The following LYRM4 variants were observed in gnomAD, a reference collection of about 807,000 sequenced individuals.
The protein encoded by LYRM4 is LYR motif-containing protein 4.
In LYRM4, 9 loss-of-function variants were observed where a neutral mutation model predicts 11.7. The observed-to-expected ratio is 0.77, with a 90% CI of 0.46 to 1.34. The LOEUF (loss-of-function observed/expected upper bound fraction) is 1.34, where lower values mean the gene tolerates loss of function less well. LYRM4 is among the 40% of genes most tolerant of loss of function. LYRM4 has a pLI of 0.00. For synonymous variants in LYRM4, 42 were observed against 40.4 expected (o/e 1.04, Z -0.15); for missense variants, 133 against 112.5 (o/e 1.18, Z -0.82).
chr6:5,172,173 C>T (rs1759467993), intron 2 of LYRM4, among the ~76,000 whole-genome samples: 1 of 152,160 alleles, frequency 6.6e-6, no homozygotes, highest in African/African-American at 2.4e-5. Context: ...TGACGACAGG[C>T]CTACCCGGAA....
the LYRM4 span, among the ~76,000 whole-genome samples, chr6:5,059,076 C>T: frequency 9.7e-3 from 1,478 of 152,248 alleles, 24 homozygotes; most frequent in African/African-American, 0.034. Context: ...CATGGTGGCT[C>T]ATGTCTGTAA....
At chr6:5,035,168 T>C in the LYRM4 span, among the ~76,000 whole-genome samples, 19 of 152,188 alleles carry the variant, frequency 1.2e-4, no homozygotes, top group African/African-American at 4.3e-4. Flanking sequence ...TATTTGCTAG[T>C]TCAGGGTTTG....
chr6:5,255,720 T>G (rs1196099314), intron 1 of LYRM4, among the ~76,000 whole-genome samples: 1 of 152,084 alleles, frequency 6.6e-6, no homozygotes, highest in Non-Finnish European at 1.5e-5. Flanking sequence ...CTAGGATTTC[T>G]CAATCTTGGC....
At chr6:5,252,091 T>A (rs1313526638) in intron 1 of LYRM4, among the ~76,000 whole-genome samples, 1 of 152,216 alleles carries the variant, frequency 6.6e-6, no homozygotes, top group East Asian at 1.9e-4. Flanking sequence ...CTTAGGTTGA[T>A]CAGGACTTAG....
intron 2 of LYRM4, among the ~76,000 whole-genome samples, chr6:5,171,567 A>T (rs182288008): frequency 1.1e-4 from 17 of 152,322 alleles, no homozygotes; most frequent in Admixed American, 1.0e-3. Context: ...AAATATTTTT[A>T]TAAGCAGAAA....
intron 2 of LYRM4, among the ~76,000 whole-genome samples, chr6:5,124,627 G>C (rs1008195571): frequency 6.6e-6 from 1 of 152,142 alleles, no homozygotes; most frequent in African/African-American, 2.4e-5. Context: ...TGGCAAGCAG[G>C]TAGCCATTTA....
intron 2 of LYRM4, among the ~76,000 whole-genome samples, chr6:5,134,634 T>C (rs1425051943): frequency 6.6e-6 from 1 of 152,178 alleles, no homozygotes; most frequent in South Asian, 2.1e-4. Context: ...CGGGAGAGCA[T>C]GGGTAGGCGT....
At chr6:5,129,185 G>GGCA (rs1291577433) in intron 2 of LYRM4, among the ~76,000 whole-genome samples, 1 of 152,206 alleles carries the variant, frequency 6.6e-6, no homozygotes, top group Non-Finnish European at 1.5e-5. Context: ...GGGAAATAGT[G>GGCA]GCATTGGGCT....
At chr6:5,086,440 G>A in the LYRM4 span, 1 of 1,536,600 alleles carries the variant, frequency 6.5e-7, no homozygotes, top group Non-Finnish European at 8.7e-7. Context: ...AGAGGACGCC[G>A]ACGAGCGCGG....
At chr6:5,110,773 G>A (rs991456104) in intron 2 of LYRM4, among the ~76,000 whole-genome samples, 1 of 152,198 alleles carries the variant, frequency 6.6e-6, no homozygotes, top group Non-Finnish European at 1.5e-5. Context: ...GATGAGCTTT[G>A]CTACTGTGTC....
chr6:5,101,721 T>G (rs2773323), downstream of LYRM4, among the ~76,000 whole-genome samples: 2,317 of 152,230 alleles, frequency 0.015, 52 homozygotes, highest in African/African-American at 0.053. Context: ...CCCTCGTACA[T>G]GAAGACATTC....
the LYRM4 span, among the ~76,000 whole-genome samples, chr6:5,072,023 A>G: frequency 6.6e-6 from 1 of 152,000 alleles, no homozygotes; most frequent in South Asian, 2.1e-4. Context: ...TTTCCCCACC[A>G]TGTGCCCATG....
chr6:5,156,207 C>CGG (rs1758402193), intron 2 of LYRM4, among the ~76,000 whole-genome samples: 1 of 152,252 alleles, frequency 6.6e-6, no homozygotes, highest in South Asian at 2.1e-4. Context: ...ACATGCAAGG[C>CGG]AGCCGTTCAT....
chr6:5,037,002 A>C, the LYRM4 span, among the ~76,000 whole-genome samples: 1 of 94,736 alleles, frequency 1.1e-5, no homozygotes, highest in Non-Finnish European at 2.0e-5. Context: ...TTGTCTCTTT[A>C]GCTTGTATTT....
At chr6:5,158,664 G>C (rs1357124114) in intron 2 of LYRM4, among the ~76,000 whole-genome samples, 2 of 151,896 alleles carry the variant, frequency 1.3e-5, no homozygotes, top group Non-Finnish European at 2.9e-5. Flanking sequence ...TTTTGTAGAG[G>C]GTCCCACTAT....
intron 1 of LYRM4, among the ~76,000 whole-genome samples, chr6:5,237,441 C>A (rs1763616389): frequency 6.6e-6 from 1 of 151,536 alleles, no homozygotes; most frequent in Non-Finnish European, 1.5e-5. Flanking sequence ...CCCACTGATT[C>A]TATATTATGG....
intron 1 of LYRM4, among the ~76,000 whole-genome samples, chr6:5,241,863 T>C (rs923863748): frequency 4.5e-5 from 6 of 134,366 alleles, no homozygotes; most frequent in Admixed American, 4.3e-4. Flanking sequence ...AAAATGGTGA[T>C]ACATCGTGCC....
chr6:5,250,757 T>C (rs1185044410), intron 1 of LYRM4, among the ~76,000 whole-genome samples: 1 of 152,160 alleles, frequency 6.6e-6, no homozygotes, highest in African/African-American at 2.4e-5. Context: ...CTTAGAAAAT[T>C]TTACAAAGCA....
chr6:5,038,440 G>A, the LYRM4 span, among the ~76,000 whole-genome samples: 3 of 68,582 alleles, frequency 4.4e-5, no homozygotes, highest in African/African-American at 7.9e-5. Flanking sequence ...TATCCCAGAC[G>A]ATGGGGGGCC....
Sources: gnomAD v4.1 joint callset for allele counts (sites outside exome capture counted in the v4.1 genomes callset) on GRCh38, gnomAD v4.1.1 for gene constraint, MANE v1.5 for transcripts, NCBI Gene and HGNC (gene_info 2026-07-23, HGNC 2026-07-21) for gene names.